The following CCDC112 variants were observed in gnomAD, a reference collection of about 807,000 sequenced individuals.
The protein encoded by CCDC112 is coiled-coil domain-containing protein 112.
In CCDC112, 40 loss-of-function variants were observed where a neutral mutation model predicts 66.3. The observed-to-expected ratio is 0.60, with a 90% confidence interval of 0.47 to 0.79. CCDC112 has a LOEUF of 0.79. Ranked by LOEUF, CCDC112 falls within the 30% of genes least tolerant of loss-of-function variation. CCDC112 has a pLI of 0.00. For missense variants in CCDC112, 659 were observed against 603.8 expected (o/e 1.09, Z -0.96); for synonymous variants, 214 against 197.2 (o/e 1.09, Z -0.71).
intron 1 of CCDC112, among the ~76,000 whole-genome samples, chr5:115,286,290 C>G (rs1274609929): frequency 1.3e-5 from 2 of 152,108 alleles, no homozygotes; most frequent in African/African-American, 4.8e-5. Flanking sequence ...TATAAATGGG[C>G]TCATACAATG....
In CCDC112 at chr5:115,275,475, G is replaced by C. The variant is rs1749167289; in HGVS notation, c.659C>G (p.Pro220Arg). The change falls in exon 6 of 10, where the codon CCT becomes CGT. Residue 220 changes from proline to arginine, a missense_variant. Coordinates refer to ENST00000379611, the MANE Select transcript of CCDC112 (RefSeq NM_001040440.3). Reference protein sequence around the residue: ...KAFRAISSKVPVDKVTPSTLP... With the variant: ...KAFRAISSKVRVDKVTPSTLP... ...AGTACTTGGTGTTACTTTGTCTACAGGAACTTTGCTTGAGATTGCTCTGAA... is the reference window on the plus strand; with the variant it reads ...AGTACTTGGTGTTACTTTGTCTACACGAACTTTGCTTGAGATTGCTCTGAA... 1.2e-6 allele frequency: 2 copies of C among 1,613,882 alleles called. No individual in the cohort carries two copies. The highest frequency in any genetic ancestry group is 3.3e-5 in the Admixed American group (2 of 59,982).
In CCDC112 at chr5:115,279,772, T is replaced by C. The variant is rs73257462; in HGVS notation, c.240-4A>G. 3,523 of 1,428,450 alleles carry C rather than the reference T, an allele frequency of 2.5e-3. 74 individuals are homozygous for C. In the African/African-American group the frequency reaches 0.043, roughly 18 times the overall value. 88.5% of individuals were successfully genotyped at this position (1,428,450 alleles called of 1,614,324 possible). On this transcript the variant is annotated splice_polypyrimidine_tract_variant and splice_region_variant and intron_variant, in intron 2 of 9. Coordinates refer to ENST00000379611, the MANE Select transcript of CCDC112 (RefSeq NM_001040440.3). ...ATCTTTTTCCATGTTAATTACTCTT[T>C]AGGAAAAGAAACAAATAGTATAAAT... is the stretch of plus-strand genomic sequence containing the variant.
intron 1 of CCDC112, among the ~76,000 whole-genome samples, chr5:115,291,317 T>C (rs1437690073): frequency 6.6e-6 from 1 of 152,160 alleles, no homozygotes; most frequent in South Asian, 2.1e-4. Context: ...CAACACTGCA[T>C]GTCTGGAATA....
rs1348244604 is a variant in CCDC112 at position 115,277,056 on chromosome 5, T to G, written c.362-2A>C. On this transcript the variant is annotated splice_acceptor_variant, in intron 3 of 9. Transcript: ENST00000379611. LOFTEE classifies it high-confidence loss of function. Reference sequence around the variant, plus strand: ...CCAATTGTTGCTGGATTTTTGCTCCTATAAGAAAGAAGTATGCACTTTAAA... The same window carrying G: ...CCAATTGTTGCTGGATTTTTGCTCCGATAAGAAAGAAGTATGCACTTTAAA... 3.8e-6 allele frequency: 6 copies of G among 1,572,666 alleles called. No individual in the cohort carries two copies. Among genetic ancestry groups the G allele is most frequent in the Non-Finnish European group, 5.2e-6 (6 of 1,144,164 alleles).
intron 1 of CCDC112, among the ~76,000 whole-genome samples, chr5:115,287,486 G>A (rs1477835556): frequency 2.0e-5 from 3 of 152,142 alleles, no homozygotes; most frequent in African/African-American, 7.2e-5. Context: ...TAAAAATGGA[G>A]TTACTCATGC....
Position 115,271,283 on chromosome 5 carries a change from A to G in CCDC112, c.1262T>C (p.Ile421Thr). ...QEEFLRLEKE[I>T]REKAEKAEKR... Reference sequence around the variant, plus strand: ...TTCTGCCTTTTCTGCCTTTTCCCTTATCTCCTTTTCAAGCCTCAAAAATTC... The same window carrying G: ...TTCTGCCTTTTCTGCCTTTTCCCTTGTCTCCTTTTCAAGCCTCAAAAATTC... The change falls in exon 7 of 10, where the codon ATA (isoleucine) becomes ACA (threonine). Residue 421 changes from isoleucine (I) to threonine (T), a missense_variant. By Grantham distance (89) the Ile-to-Thr change is moderately conservative. Transcript: ENST00000379611. The G allele has an allele frequency of 2.5e-6, 4 of 1,606,474 alleles. No homozygotes were observed. The highest frequency in any genetic ancestry group is 3.4e-6 in the Non-Finnish European group (4 of 1,178,250).
Position 115,271,366 on chromosome 5 carries a change from G to T in CCDC112, c.1179C>A (p.Arg393=). 6.2e-7 allele frequency: 1 copy of T among 1,611,280 alleles called. No individual in the cohort carries two copies. The highest frequency in any genetic ancestry group is 1.7e-5 in the Admixed American group (1 of 59,606). ...CTAGTAGTAATTTTAACTTAAACTG[G>T]CGCTGGCGTTCTTTCTGATGTTTTT... ...KEKKHQKERQ[R]QFKLKLLLES... is the part of the protein sequence containing the mutation. Residue 393 remains arginine, a synonymous_variant, in exon 7 of 10, where the codon CGC becomes CGA. Transcript: ENST00000379611.
intron 1 of CCDC112, among the ~76,000 whole-genome samples, chr5:115,286,733 A>C (rs1240548878): frequency 3.3e-5 from 5 of 151,990 alleles, no homozygotes; most frequent in Non-Finnish European, 2.9e-5. Context: ...GAAACATAGC[A>C]AGATCCTGTC....
chr5:115,296,500 G>T lies in CCDC112; in HGVS notation c.44C>A (p.Ala15Glu). 6.4e-7 allele frequency: 1 copy of T among 1,552,142 alleles called. No homozygotes were observed. Among genetic ancestry groups the T allele is most frequent in the Non-Finnish European group, 8.7e-7 (1 of 1,155,522 alleles). ...CGCCCCTGCCACAGCCCCGGCTACC[G>T]CGGTGGCCGCAGCCGCTACCACAAC... Reference protein sequence around the residue: ...TTVVVAAAATAVAGAVAGAGA... With the variant: ...TTVVVAAAATEVAGAVAGAGA... Residue 15 changes from alanine (A) to glutamate (E), a missense_variant, in exon 1 of 10, where the codon GCG becomes GAG. Coordinates refer to ENST00000379611, the MANE Select transcript of CCDC112 (RefSeq NM_001040440.3).
chr5:115,294,678 G>T (rs1259445970), intron 1 of CCDC112, among the ~76,000 whole-genome samples: 2 of 152,160 alleles, frequency 1.3e-5, no homozygotes, highest in African/African-American at 4.8e-5. Context: ...ATACTAGTTG[G>T]TTTCAGTGTT....
rs1199445939 is a variant in CCDC112 at position 115,279,719 on chromosome 5, T to C, written c.289A>G (p.Ser97Gly). ...DKHSHFYNQK[S>G]DFRIEHSMLE... is the part of the protein sequence containing the mutation. Reference sequence around the variant, plus strand: ...ATACTATGCTCAATTCTGAAGTCACTTTTTTGGTTGTAGAAATGACTGTGT... The same window carrying C: ...ATACTATGCTCAATTCTGAAGTCACCTTTTTGGTTGTAGAAATGACTGTGT... Residue 97 changes from serine to glycine, a missense_variant, in exon 3 of 10, where the codon AGT becomes GGT. Ser to Gly is a moderately conservative substitution (Grantham distance 56, BLOSUM62 0). Transcript: ENST00000379611. 3 of 1,590,626 alleles carry C rather than the reference T, an allele frequency of 1.9e-6. No homozygotes were observed. The highest frequency in any genetic ancestry group is 1.7e-5 in the Admixed American group (1 of 59,820).
intron 2 of CCDC112, among the ~76,000 whole-genome samples, chr5:115,281,566 C>T (rs867377754): frequency 1.1e-4 from 17 of 152,154 alleles, no homozygotes; most frequent in African/African-American, 3.9e-4. Flanking sequence ...CATCTAGGCT[C>T]TGGTTGCAGA....
chr5:115,291,588 T>C (rs948560264), intron 1 of CCDC112, among the ~76,000 whole-genome samples: 1 of 152,184 alleles, frequency 6.6e-6, no homozygotes, highest in Non-Finnish European at 1.5e-5. Context: ...GACTTTCATA[T>C]TTACCTATAT....
Position 115,296,397 on chromosome 5 carries a change from C to A in CCDC112, c.117+30G>T, listed in dbSNP as rs200121538. 51 of 1,559,510 alleles carry A rather than the reference C, an allele frequency of 3.3e-5. No individual in the cohort carries two copies. In the African/African-American group the frequency reaches 5.5e-4, roughly 17 times the overall value. Reference sequence around the variant, plus strand: ...GGGCCTGCAGCCCCTCGCCTGCCGCCAGAGCAGCTCTCGGTTCTCCCGGAT... The same window carrying A: ...GGGCCTGCAGCCCCTCGCCTGCCGCAAGAGCAGCTCTCGGTTCTCCCGGAT... On this transcript the variant is annotated intron_variant, in intron 1 of 9. Transcript: ENST00000379611.
At chr5:115,281,393 C>T (rs1749451232) in intron 2 of CCDC112, among the ~76,000 whole-genome samples, 1 of 152,166 alleles carries the variant, frequency 6.6e-6, no homozygotes, top group Non-Finnish European at 1.5e-5. Context: ...CCAGAGCCCA[C>T]CACACTTCTC....
intron 6 of CCDC112, among the ~76,000 whole-genome samples, chr5:115,271,974 G>A (rs1047520405): frequency 6.7e-6 from 1 of 149,560 alleles, no homozygotes; most frequent in African/African-American, 2.5e-5. Flanking sequence ...GCCCAGGCTG[G>A]AGTGCAGTGG....
In CCDC112 at chr5:115,271,322, T is replaced by C. The variant is rs142993660; in HGVS notation, c.1223A>G (p.Lys408Arg). Residue 408 changes from lysine (K) to arginine (R), a missense_variant, in exon 7 of 10, where the codon AAG (lysine) becomes AGG (arginine). Physicochemically the swap from Lys to Arg is conservative, Grantham distance 26. Coordinates refer to ENST00000379611, the MANE Select transcript of CCDC112 (RefSeq NM_001040440.3). ...KLLLESYTQQ[K>R]KEQEEFLRLE... ...CCTCAAAAATTCTTCCTGTTCTTTC[T>C]TCTGCTGGGTATAACTTTCTAGTAG... is the stretch of plus-strand genomic sequence containing the variant. 4.2e-5 allele frequency: 68 copies of C among 1,613,142 alleles called. 1 individual carries two copies. In the African/African-American group the frequency reaches 8.7e-4, roughly 21 times the overall value.
intron 6 of CCDC112, 23 bp downstream of exon 6, chr5:115,275,193 A>G (rs956068496): frequency 6.5e-7 from 1 of 1,541,114 alleles, no homozygotes. Flanking sequence ...CACAGAATGA[A>G]TAATAGCTAT....
chr5:115,288,693 C>A (rs1167914328), intron 1 of CCDC112, among the ~76,000 whole-genome samples: 1 of 152,170 alleles, frequency 6.6e-6, no homozygotes, highest in African/African-American at 2.4e-5. Context: ...TAAGAACTAA[C>A]CCCCATCTAT....
Sources: allele counts gnomAD v4.1 joint callset (sites outside exome capture counted in the v4.1 genomes callset), GRCh38; gene constraint gnomAD v4.1.1; transcripts MANE v1.5; gene names NCBI Gene and HGNC (gene_info 2026-07-23, HGNC 2026-07-21).